FCGR2B: variants seen among roughly 807,000 people sequenced by gnomAD.
FCGR2B encodes the protein Fc gamma receptor IIb.
In FCGR2B, 18 loss-of-function variants were observed where a neutral mutation model predicts 24.8. The ratio of observed to expected loss-of-function variants is 0.73; its 90% CI spans 0.50 to 1.08. The LOEUF (loss-of-function observed/expected upper bound fraction) is 1.08. Ranked by LOEUF, FCGR2B falls within the 50% of genes least tolerant of loss-of-function variation. FCGR2B has a pLI of 0.00. For synonymous variants in FCGR2B, 79 were observed against 109.8 expected (o/e 0.72, Z 1.75); for missense variants, 215 against 297.6 (o/e 0.72, Z 2.04).
the FCGR2B span, among the ~76,000 whole-genome samples, chr1:161,654,539 A>G: frequency 1.5e-5 from 2 of 134,112 alleles, no homozygotes; most frequent in African/African-American, 5.0e-5. Context: ...TTACCTAGGT[A>G]TGTATTCCCT....
At chr1:161,671,908 G>A in intron 3 of FCGR2B, 1 of 635,658 alleles carries the variant, frequency 1.6e-6, no homozygotes, top group Non-Finnish European at 2.7e-6. Flanking sequence ...CATTTTAATG[G>A]CAGAATTGAA....
chr1:161,652,839 G>A, the FCGR2B span, among the ~76,000 whole-genome samples: 1 of 134,556 alleles, frequency 7.4e-6, no homozygotes, highest in Non-Finnish European at 1.7e-5. Context: ...TATTGCCATA[G>A]TTACCTTCAA....
intron 6 of FCGR2B, chr1:161,676,485 G>A (rs1486490807): frequency 5.7e-6 from 1 of 176,860 alleles, no homozygotes; most frequent in Non-Finnish European, 1.2e-5. Flanking sequence ...TTTGCAGCCA[G>A]GCATTGGGGC....
chr1:161,656,315 T>C, the FCGR2B span, among the ~76,000 whole-genome samples: 1 of 142,204 alleles, frequency 7.0e-6, no homozygotes, highest in Admixed American at 7.3e-5. Flanking sequence ...CTTCATTTCT[T>C]CCTCCCATCC....
chr1:161,676,829 C>CCTGTTGCCT, intron 6 of FCGR2B: 1 of 167,380 alleles, frequency 6.0e-6, no homozygotes, highest in Admixed American at 6.5e-5. Flanking sequence ...CCCTTCCTCC[C>CCTGTTGCCT]TTTCTCACTC....
rs1682264302 is a variant in FCGR2B, at chr1:161,677,681, A to T, written c.*128A>T. 1 of 737,206 alleles carries T rather than the reference A, an allele frequency of 1.4e-6. No individual in the cohort carries two copies. Among genetic ancestry groups the T allele is most frequent in the Non-Finnish European group, 2.3e-6 (1 of 441,168 alleles). The allele number at this position is 737,206 out of a possible 1,614,324, so 45.7% of individuals were successfully genotyped here. ...TTCCAAAAGAGAAGGTTTCTTCCAGAGTCATCTACCTGAGTCCTGAAGCTC... is the reference window on the plus strand; with the variant it reads ...TTCCAAAAGAGAAGGTTTCTTCCAGTGTCATCTACCTGAGTCCTGAAGCTC... On this transcript the variant is annotated 3_prime_UTR_variant, in exon 8 of 8. Transcript: ENST00000358671.
the FCGR2B span, among the ~76,000 whole-genome samples, chr1:161,649,905 G>C: frequency 2.0e-5 from 3 of 150,314 alleles, no homozygotes; most frequent in Admixed American, 1.3e-4. Context: ...GATGGGAATG[G>C]TAGATACATT....
At chr1:161,675,112 CA>C (rs1682001714) in intron 5 of FCGR2B, 144 bp from the exon 6 acceptor site, 1 of 596,544 alleles carries the variant, frequency 1.7e-6, no homozygotes. Context: ...AGCCTCTGAG[CA>C]GGGGAGCTGG....
chr1:161,653,836 AC>A, the FCGR2B span, among the ~76,000 whole-genome samples: 1 of 126,778 alleles, frequency 7.9e-6, no homozygotes, highest in East Asian at 2.0e-4. Context: ...ACTATTGTGA[AC>A]CCTGAAGAAC....
At chr1:161,649,693 C>A in the FCGR2B span, among the ~76,000 whole-genome samples, 1 of 149,934 alleles carries the variant, frequency 6.7e-6, no homozygotes, top group Non-Finnish European at 1.5e-5. Context: ...TCTGCTGGCA[C>A]CTTGATCTTG....
the FCGR2B span, among the ~76,000 whole-genome samples, chr1:161,647,531 C>G: frequency 6.7e-6 from 1 of 150,288 alleles, no homozygotes; most frequent in Non-Finnish European, 1.5e-5. Context: ...GAACTCCTGA[C>G]CTCAGGTGAT....
Position 161,676,567 on chromosome 1 carries a change from A to T in FCGR2B, c.818-761A>T, listed in dbSNP as rs553721520. On this transcript the variant is annotated intron_variant, in intron 6 of 7. Coordinates refer to ENST00000358671, the MANE Select transcript of FCGR2B (RefSeq NM_001394477.1). ...GTTGCTGGGATTCTTGGGAAATGTA[A>T]TAGAATGGGAATTCAGAATGCGGTT... 3.6e-5 allele frequency: 6 copies of T among 164,706 alleles called. No homozygotes were observed. The South Asian group carries it at 1.0e-3, about 28-fold the overall frequency. 10.2% of individuals were successfully genotyped at this position (164,706 alleles called of 1,614,324 possible).
rs530631358 is a variant in FCGR2B at position 161,677,674 on chromosome 1, C to T, written c.*121C>T. 9.7e-5 allele frequency: 75 copies of T among 773,370 alleles called. No individual in the cohort carries two copies. In the South Asian group the frequency reaches 1.3e-3, roughly 13 times the overall value. The allele number at this position is 773,370 out of a possible 1,614,324, so 47.9% of individuals were successfully genotyped here. A position where few individuals can be genotyped will look rare whatever the true frequency, so the allele number is the denominator to read the frequency against. On this transcript the variant is annotated 3_prime_UTR_variant, in exon 8 of 8. Coordinates refer to ENST00000358671, the MANE Select transcript of FCGR2B (RefSeq NM_001394477.1). ...GCTGCAGTTCCAAAAGAGAAGGTTT[C>T]TTCCAGAGTCATCTACCTGAGTCCT... is the stretch of plus-strand genomic sequence containing the variant.
chr1:161,652,094 T>C, the FCGR2B span, among the ~76,000 whole-genome samples: 10 of 108,442 alleles, frequency 9.2e-5, 3 homozygotes, highest in South Asian at 2.2e-3. Flanking sequence ...GTGTGTATTT[T>C]AGTCTGCCTA....
intron 7 of FCGR2B, 44 bp from the exon 8 acceptor site, chr1:161,677,432 G>C: frequency 6.2e-7 from 1 of 1,609,940 alleles, no homozygotes; most frequent in Admixed American, 1.7e-5. Context: ...TTCTTTCCTA[G>C]GCCCTCTCTG....
At chr1:161,652,859 G>C in the FCGR2B span, among the ~76,000 whole-genome samples, 2 of 134,224 alleles carry the variant, frequency 1.5e-5, 1 homozygote, top group Non-Finnish European at 3.4e-5. Context: ...AATTCTTCTA[G>C]TGTTATCTTG....
chr1:161,652,185 G>A, the FCGR2B span, among the ~76,000 whole-genome samples: 1 of 130,700 alleles, frequency 7.7e-6, no homozygotes, highest in African/African-American at 2.6e-5. Context: ...CTCTTTAAAT[G>A]TTTCTTCTCT....
upstream of FCGR2B, among the ~76,000 whole-genome samples, chr1:161,661,344 A>G (rs984313756): frequency 7.4e-6 from 1 of 135,456 alleles, no homozygotes; most frequent in Non-Finnish European, 1.6e-5. Context: ...CTTATCTTAC[A>G]TGAAGTGCCA....
chr1:161,672,928 C>T (rs371066009), intron 3 of FCGR2B, 47 bp from the exon 4 acceptor site: 10 of 1,610,332 alleles, frequency 6.2e-6, no homozygotes, highest in East Asian at 2.2e-5. Context: ...GGTCTCAGAG[C>T]TGAGCCAAGA....
Sources: gnomAD v4.1 joint callset for allele counts (sites outside exome capture counted in the v4.1 genomes callset) on GRCh38, gnomAD v4.1.1 for gene constraint, MANE v1.5 for transcripts, NCBI Gene and HGNC (gene_info 2026-07-23, HGNC 2026-07-21) for gene names.